The following PRDM8 variants were observed in gnomAD, a reference collection of about 807,000 sequenced individuals.
PRDM8 encodes the protein PR domain zinc finger protein 8.
In PRDM8, 13 loss-of-function variants were observed where a neutral mutation model predicts 46.5. That is an observed-to-expected ratio of 0.28 (90% CI 0.18 to 0.44). The LOEUF (loss-of-function observed/expected upper bound fraction) is 0.44, where lower values mean the gene tolerates loss of function less well. Ranked by LOEUF, PRDM8 falls within the 20% of genes least tolerant of loss-of-function variation. The probability of loss-of-function intolerance (pLI) is 1.00; values close to 1 mark genes in which losing one functional copy is unlikely to be tolerated. For synonymous variants in PRDM8, 473 were observed against 438.4 expected, an observed-to-expected ratio of 1.08 and a Z score of -0.98; for missense variants, 998 against 955.0, an observed-to-expected ratio of 1.04 and a Z score of -0.59.
intron 1 of PRDM8, among the ~76,000 whole-genome samples, chr4:80,190,490 C>T (rs150713677): frequency 1.3e-5 from 2 of 152,348 alleles, no homozygotes; most frequent in East Asian, 3.9e-4. Context: ...TGGTAGCCTC[C>T]TGTGTCAGGG....
At chr4:80,196,177 A>G (rs1213243937), upstream of PRDM8, 2 of 921,004 alleles carry the variant, frequency 2.2e-6, no homozygotes, top group Non-Finnish European at 2.6e-6. Flanking sequence ...ACTAGGAAAA[A>G]CAACAACGAG....
intron 1 of PRDM8, among the ~76,000 whole-genome samples, chr4:80,198,719 G>A (rs945240452): frequency 3.3e-5 from 5 of 152,144 alleles, no homozygotes; most frequent in African/African-American, 7.2e-5. Flanking sequence ...GTAATCACAC[G>A]TGTAAGGTTA....
chr4:80,193,616 C>T (rs369599228), upstream of PRDM8, among the ~76,000 whole-genome samples: 5 of 152,144 alleles, frequency 3.3e-5, no homozygotes, highest in African/African-American at 7.2e-5. Context: ...TAAAAAGTTC[C>T]TTATTCTGAA....
chr4:80,192,473 C>A (rs765345465), intron 2 of PRDM8, among the ~76,000 whole-genome samples: 11 of 152,096 alleles, frequency 7.2e-5, no homozygotes, highest in Non-Finnish European at 1.5e-4. Context: ...TGCTGGACAC[C>A]AATTTGAGAC....
chr4:80,196,725 C>T, upstream of PRDM8: 1 of 896,320 alleles, frequency 1.1e-6, no homozygotes, highest in Non-Finnish European at 1.3e-6. Context: ...GGGGAAAAAC[C>T]CCACGAAAAC....
rs1738556058 is a variant in PRDM8, at chr4:80,202,343, G to C, written c.881G>C (p.Gly294Ala). Residue 294 changes from glycine (G) to alanine (A), a missense_variant, in exon 4 of 4, where the codon GGC (glycine) becomes GCC (alanine). Transcript: ENST00000415738. ...GGTAGCGGCAGCGGCGGCGGCGGCGGCCACCAGGAGGCGGAGCTGAGTCCC... is the reference window on the plus strand; with the variant it reads ...GGTAGCGGCAGCGGCGGCGGCGGCGCCCACCAGGAGGCGGAGCTGAGTCCC... ...SSGSGSGGGG[G>A]HQEAELSPDG... 6.2e-7 allele frequency: 1 copy of C among 1,602,334 alleles called. No individual in the cohort carries two copies. Among genetic ancestry groups the C allele is most frequent in the Non-Finnish European group, 8.5e-7 (1 of 1,174,790 alleles).
chr4:80,188,925 G>T (rs1737331306), intron 1 of PRDM8, among the ~76,000 whole-genome samples: 1 of 152,216 alleles, frequency 6.6e-6, no homozygotes, highest in Non-Finnish European at 1.5e-5. Context: ...AGCCACGGGG[G>T]GAACTCGCCC....
In PRDM8 at chr4:80,202,816, G is replaced by A; in HGVS notation, c.1354G>A (p.Gly452Ser). 1.6e-6 allele frequency: 2 copies of A among 1,226,236 alleles called. No individual in the cohort carries two copies. The highest frequency in any genetic ancestry group is 3.2e-4 in the Middle Eastern group (1 of 3,138). 76.0% of individuals were successfully genotyped at this position (1,226,236 alleles called of 1,614,324 possible). A position where few individuals can be genotyped will look rare whatever the true frequency, so the allele number is the denominator to read the frequency against. Residue 452 changes from glycine to serine, a missense_variant, in exon 4 of 4, where the codon GGC (glycine) becomes AGC (serine). By Grantham distance (56) the Gly-to-Ser change is moderately conservative. Transcript: ENST00000415738. Reference protein sequence around the residue: ...GGPLPSRLEGGSPARGSAFTS... With the variant: ...GGPLPSRLEGSSPARGSAFTS... ...CCCGCTGCCCAGCCGGCTCGAGGGC[G>A]GCAGTCCTGCGAGGGGCAGCGCCTT...
rs752636419 is a variant in PRDM8, at chr4:80,202,327, A to AGCGGCG, written c.877_882dup (p.Gly293_Gly294dup). ...CCAGAGCCTCAGCAGCGGTAGCGGC[A>AGCGGCG]GCGGCGGCGGCGGCGGCCACCAGGA... On this transcript the variant is annotated inframe_insertion, in exon 4 of 4. Transcript: ENST00000415738. 152 of 1,584,732 alleles carry AGCGGCG rather than the reference A, an allele frequency of 9.6e-5. No individual in the cohort carries two copies. Among genetic ancestry groups the AGCGGCG allele is most frequent in the Middle Eastern group, 5.1e-4 (3 of 5,940 alleles).
At chr4:80,188,150 T>C (rs950707793) in intron 1 of PRDM8, among the ~76,000 whole-genome samples, 1 of 152,170 alleles carries the variant, frequency 6.6e-6, no homozygotes, top group Non-Finnish European at 1.5e-5. Flanking sequence ...ACATGCATCT[T>C]TGCATCTTGT....
upstream of PRDM8, chr4:80,197,183 G>C (rs1738023034): frequency 1.3e-5 from 13 of 985,390 alleles, no homozygotes; most frequent in African/African-American, 1.7e-5. Context: ...CAAGTGCCTA[G>C]TGAAACGGGG....
Position 80,202,713 on chromosome 4 carries a change from C to G in PRDM8, c.1251C>G (p.Gly417=). The G allele has an allele frequency of 7.7e-7, 1 of 1,299,844 alleles. No individual in the cohort carries two copies. The highest frequency in any genetic ancestry group is 2.4e-5 in the South Asian group (1 of 42,526). The allele number at this position is 1,299,844 out of a possible 1,614,324, so 80.5% of individuals were successfully genotyped here. Residue 417 remains glycine, a synonymous_variant, in exon 4 of 4, where the codon GGC becomes GGG. Transcript: ENST00000415738. ...TCGCCTCCGAGGACCAGGACGCTGG[C>G]GGCGGCGGCGGCTCCTCCACGCCCG... The part of the protein sequence containing the change: ...AGVASEDQDA[G]GGGGSSTPAA...
At position 80,202,208 on chromosome 4, in the gene PRDM8, C is replaced by T. The variant is rs1578263524; in HGVS notation, c.746C>T (p.Ala249Val). The T allele has an allele frequency of 6.2e-7, 1 of 1,612,072 alleles. No individual in the cohort carries two copies. Among genetic ancestry groups the T allele is most frequent in the East Asian group, 2.2e-5 (1 of 44,734 alleles). Residue 249 changes from alanine to valine, a missense_variant, in exon 4 of 4, where the codon GCC (alanine) becomes GTC (valine). Physicochemically the swap from Ala to Val is moderately conservative, Grantham distance 64. Transcript: ENST00000415738. ...PSPESSNPSA[A>V]AGGSSAKPST... ...CCGGAAAGCAGCAACCCATCCGCTGCCGCCGGCGGCAGCAGCGCGAAGCCA... is the reference window on the plus strand; with the variant it reads ...CCGGAAAGCAGCAACCCATCCGCTGTCGCCGGCGGCAGCAGCGCGAAGCCA...
intron 1 of PRDM8, among the ~76,000 whole-genome samples, chr4:80,189,232 A>G (rs1328363897): frequency 6.6e-6 from 1 of 152,162 alleles, no homozygotes; most frequent in East Asian, 1.9e-4. Flanking sequence ...CATCCTACGG[A>G]GTCGCCCGGA....
In PRDM8 at chr4:80,198,982, TTTTTTTTTTTTG is replaced by T. The variant is rs1369544925; in HGVS notation, c.-2-1085_-2-1074del. Among the ~76,000 whole-genome samples the T allele has an allele frequency of 5.7e-3, 592 of 103,172 alleles. 6 individuals carry two copies. Among genetic ancestry groups the T allele is most frequent in the African/African-American group, 0.025 (500 of 20,072 alleles). 67.7% of individuals were successfully genotyped at this position (103,172 alleles called of 152,430 possible). On this transcript the variant is annotated intron_variant, in intron 1 of 3. Coordinates refer to ENST00000415738, the MANE Select transcript of PRDM8 (RefSeq NM_001099403.2). ...TTTAAATACCTGGGTTTTTTTGGGT[TTTTTTTTTTTTG>T]TTTTTTTTTTTTTTTTTTTTTTTTA...
Position 80,202,314 on chromosome 4 carries a change from CAGCGGT to C in PRDM8, c.858_863del (p.Ser289_Gly290del). On this transcript the variant is annotated inframe_deletion, in exon 4 of 4. Transcript: ENST00000415738. ...GCTGCTCCCCAGCCCAGAGCCTCAG[CAGCGGT>C]AGCGGCAGCGGCGGCGGCGGCGGCC... 6.2e-7 allele frequency: 1 copy of C among 1,609,248 alleles called. No individual in the cohort carries two copies. Among genetic ancestry groups the C allele is most frequent in the Non-Finnish European group, 8.5e-7 (1 of 1,178,426 alleles).
At chr4:80,199,052 G>T (rs890723811) in intron 1 of PRDM8, among the ~76,000 whole-genome samples, 3 of 134,210 alleles carry the variant, frequency 2.2e-5, no homozygotes, top group South Asian at 2.5e-4. Flanking sequence ...TCCAGAGGAA[G>T]GAAAATGTCC....
rs73829239 is a variant in PRDM8 at position 80,185,673 on chromosome 4, T to G, written c.-983+155T>G. On this transcript the variant is annotated intron_variant, in intron 1 of 9. Coordinates refer to the PRDM8 transcript ENST00000339711. ...AGGGGCTGTCCCCTTGCGAGGGCAC[T>G]AGGACAACAGGAGGGGCGCACCTGC... Among the ~76,000 whole-genome samples, 590 of 152,258 alleles carry G rather than the reference T, an allele frequency of 3.9e-3. 4 individuals carry two copies. Among genetic ancestry groups the G allele is most frequent in the African/African-American group, 0.014 (565 of 41,544 alleles).
chr4:80,201,637 G>A, intron 3 of PRDM8, 116 bp downstream of exon 3: 1 of 1,096,352 alleles, frequency 9.1e-7, no homozygotes, highest in Non-Finnish European at 1.3e-6. Flanking sequence ...GTGTCTCATA[G>A]GAAGATTCTG....
Sources: allele counts gnomAD v4.1 joint callset (sites outside exome capture counted in the v4.1 genomes callset), GRCh38; gene constraint gnomAD v4.1.1; transcripts MANE v1.5; gene names NCBI Gene and HGNC (gene_info 2026-07-23, HGNC 2026-07-21).